The following MGAT4C variants were observed in gnomAD, a reference collection of about 807,000 sequenced individuals.
MGAT4C encodes alpha-1,3-mannosyl-glycoprotein 4-beta-N-acetylglucosaminyltransferase C.
In MGAT4C, 19 loss-of-function variants were observed where a neutral mutation model predicts 40.1. That is an observed-to-expected ratio of 0.47 (90% confidence interval 0.33 to 0.70). The LOEUF (loss-of-function observed/expected upper bound fraction) is 0.70, where lower values mean the gene tolerates loss of function less well. Among genes scored for constraint, MGAT4C ranks in the 30% least tolerant of loss-of-function variants. The pLI is 0.02. For synonymous variants in MGAT4C, 181 were observed against 187.1 expected (o/e 0.97, Z 0.27); for missense variants, 491 against 563.2 (o/e 0.87, Z 1.30).
At chr12:86,562,671 C>T (rs1959924618) in intron 2 of MGAT4C, among the ~76,000 whole-genome samples, 1 of 151,972 alleles carries the variant, frequency 6.6e-6, no homozygotes, top group Non-Finnish European at 1.5e-5. Context: ...TCCTGCAGGC[C>T]CCTAGAGGTG....
chr12:86,763,862 G>A lies in MGAT4C; in HGVS notation c.-261-36621C>T, dbSNP rs141431537. Reference sequence around the variant, plus strand: ...CTCTCTATACCTAGAATACAGTTAAGAATGACATTATTAGAGGGCAGCCAA... The same window carrying A: ...CTCTCTATACCTAGAATACAGTTAAAAATGACATTATTAGAGGGCAGCCAA... On this transcript the variant is annotated intron_variant, in intron 1 of 7. Transcript: ENST00000548651. Among the ~76,000 whole-genome samples, 1,309 of 152,212 alleles carry A rather than the reference G, an allele frequency of 8.6e-3. 8 individuals carry two copies. The highest frequency in any genetic ancestry group is 0.017 in the Middle Eastern group (5 of 294).
At chr12:86,807,027 AAAAT>A (rs201527069) in intron 1 of MGAT4C, among the ~76,000 whole-genome samples, 17 of 149,996 alleles carry the variant, frequency 1.1e-4, no homozygotes, top group East Asian at 2.0e-4. Context: ...ATATAAATAA[AAAAT>A]AAATAAATAA....
At chr12:86,347,903 T>C (rs1239926308) in intron 3 of MGAT4C, among the ~76,000 whole-genome samples, 1 of 152,208 alleles carries the variant, frequency 6.6e-6, no homozygotes, top group Non-Finnish European at 1.5e-5. Flanking sequence ...TCACATCAAG[T>C]TGATAAAATC....
rs1172049908 is a variant in MGAT4C at position 85,980,112 on chromosome 12, T to A, written c.614A>T (p.Asp205Val). 6.2e-7 allele frequency: 1 copy of A among 1,613,760 alleles called. No homozygotes were observed. The highest frequency in any genetic ancestry group is 8.5e-7 in the Non-Finnish European group (1 of 1,179,862). Residue 205 changes from aspartate to valine, a missense_variant, in exon 5 of 5, where the codon GAT (aspartate) becomes GTT (valine). Transcript: ENST00000611864. ...RVKFRSKQNV[D>V]YAFLLNFCAN... Reference sequence around the variant, plus strand: ...ACAAAAATTAAGCAGAAAAGCATAATCTACATTTTGCTTGGAACGAAATTT... The same window carrying A: ...ACAAAAATTAAGCAGAAAAGCATAAACTACATTTTGCTTGGAACGAAATTT...
chr12:86,688,886 T>C (rs1323991473), intron 2 of MGAT4C, among the ~76,000 whole-genome samples: 2 of 152,162 alleles, frequency 1.3e-5, no homozygotes, highest in Non-Finnish European at 2.9e-5. Context: ...ATTTGAATGT[T>C]GGCCTGCCTT....
intron 1 of MGAT4C, among the ~76,000 whole-genome samples, chr12:86,731,352 C>T (rs1251908339): frequency 1.8e-4 from 27 of 152,046 alleles, no homozygotes; most frequent in Non-Finnish European, 1.0e-4. Context: ...ACTTCTTTCA[C>T]AGTGGTTTTC....
intron 1 of MGAT4C, among the ~76,000 whole-genome samples, chr12:86,813,679 T>A (rs1404429984): frequency 3.9e-5 from 6 of 152,076 alleles, no homozygotes; most frequent in African/African-American, 1.2e-4. Context: ...TTTTAACACT[T>A]TACACTTTTA....
At chr12:86,771,267 G>A (rs906862926) in intron 1 of MGAT4C, among the ~76,000 whole-genome samples, 1 of 152,106 alleles carries the variant, frequency 6.6e-6, no homozygotes, top group Admixed American at 6.6e-5. Context: ...TCATTCTGAG[G>A]CACTTTGTCA....
chr12:86,712,502 A>G (rs1950574969), intron 2 of MGAT4C, among the ~76,000 whole-genome samples: 1 of 152,144 alleles, frequency 6.6e-6, no homozygotes, highest in African/African-American at 2.4e-5. Context: ...AAGAGCAATG[A>G]GTCATTTAGG....
At chr12:86,037,443 C>G (rs1891348084) in intron 2 of MGAT4C, among the ~76,000 whole-genome samples, 1 of 150,042 alleles carries the variant, frequency 6.7e-6, no homozygotes, top group Admixed American at 6.7e-5. Flanking sequence ...ATAAATTTCC[C>G]TCTACACACT....
At chr12:86,132,532 G>A (rs766047914) in intron 1 of MGAT4C, among the ~76,000 whole-genome samples, 15 of 152,062 alleles carry the variant, frequency 9.9e-5, no homozygotes, top group African/African-American at 3.4e-4. Context: ...GGTGGCTCAC[G>A]CCTGTAATCC....
chr12:86,226,661 G>C (rs781136439), intron 1 of MGAT4C, among the ~76,000 whole-genome samples: 8 of 151,932 alleles, frequency 5.3e-5, no homozygotes, highest in Middle Eastern at 3.4e-3. Flanking sequence ...TATATATTTT[G>C]TCATGAAGTA....
chr12:86,020,814 A>C lies in MGAT4C; in HGVS notation c.-7+28860T>G, dbSNP rs12321838. ...GTGAACAGGCAACCTACAGAATGGA[A>C]GAAAATTTTTGCAATCTGCTCATCT... On this transcript the variant is annotated intron_variant, in intron 2 of 4. Coordinates refer to ENST00000611864, the MANE Select transcript of MGAT4C (RefSeq NM_001351288.2). Among the ~76,000 whole-genome samples the C allele has an allele frequency of 4.6e-3, 696 of 152,330 alleles. 6 individuals are homozygous for C. Among genetic ancestry groups the C allele is most frequent in the African/African-American group, 0.016 (661 of 41,578 alleles).
chr12:86,480,049 G>A (rs1332626606), intron 2 of MGAT4C, among the ~76,000 whole-genome samples: 1 of 151,736 alleles, frequency 6.6e-6, no homozygotes, highest in Non-Finnish European at 1.5e-5. Context: ...TAAGCATATA[G>A]TTTTATGATA....
At chr12:86,581,846 A>C (rs1415277223) in intron 2 of MGAT4C, among the ~76,000 whole-genome samples, 1 of 151,448 alleles carries the variant, frequency 6.6e-6, no homozygotes, top group African/African-American at 2.4e-5. Flanking sequence ...TTAACAATTA[A>C]GGAATGTGCT....
chr12:86,304,695 A>C (rs1434284112), intron 4 of MGAT4C, among the ~76,000 whole-genome samples: 3 of 150,796 alleles, frequency 2.0e-5, no homozygotes, highest in Non-Finnish European at 2.9e-5. Flanking sequence ...GTAGATTTTA[A>C]TAAGGTTAAG....
In MGAT4C at chr12:85,976,937, G is replaced by A. The variant is rs1884031601; in HGVS notation, c.*2352C>T. The A allele has an allele frequency of 6.6e-6, 1 of 150,918 alleles. No individual in the cohort carries two copies. Among genetic ancestry groups the A allele is most frequent in the Non-Finnish European group, 1.5e-5 (1 of 67,240 alleles). The allele number at this position is 150,918 out of a possible 1,614,324, so 9.3% of individuals were successfully genotyped here. ...GACCTCTAATGAAGATGCTTTATTTGTCAAGGTGTTTTCCTTAGAAAATTG... is the reference window on the plus strand; with the variant it reads ...GACCTCTAATGAAGATGCTTTATTTATCAAGGTGTTTTCCTTAGAAAATTG... On this transcript the variant is annotated 3_prime_UTR_variant, in exon 5 of 5. Transcript: ENST00000611864.
At chr12:86,580,064 C>G (rs569568700) in intron 2 of MGAT4C, among the ~76,000 whole-genome samples, 1 of 151,502 alleles carries the variant, frequency 6.6e-6, no homozygotes, top group South Asian at 2.1e-4. Context: ...TCTTCTTGTA[C>G]TTGGATATTG....
intron 2 of MGAT4C, among the ~76,000 whole-genome samples, chr12:86,044,702 T>C (rs562328915): frequency 2.0e-5 from 3 of 152,140 alleles, no homozygotes; most frequent in African/African-American, 7.2e-5. Flanking sequence ...GAAGGAGCTA[T>C]GATGTGGGCC....
Sources: allele counts gnomAD v4.1 joint callset (sites outside exome capture counted in the v4.1 genomes callset), GRCh38; gene constraint gnomAD v4.1.1; transcripts MANE v1.5; gene names NCBI Gene and HGNC (gene_info 2026-07-23, HGNC 2026-07-21).